PRKCA: variants seen among roughly 807,000 people sequenced by gnomAD.
PRKCA encodes protein kinase C alpha, also known as protein kinase C alpha type.
A neutral mutation model predicts 87.0 loss-of-function variants in PRKCA; 27 were observed. The observed-to-expected ratio is 0.31, with a 90% confidence interval of 0.23 to 0.43. PRKCA has a LOEUF of 0.43. Among genes scored for constraint, PRKCA ranks in the 20% least tolerant of loss-of-function variants. PRKCA has a pLI of 1.00. For synonymous variants in PRKCA, 329 were observed against 311.1 expected, an observed-to-expected ratio of 1.06 and a Z score of -0.61; for missense variants, 518 against 852.3, an observed-to-expected ratio of 0.61 and a Z score of 4.88.
chr17:66,713,200 C>T (rs576211196), intron 8 of PRKCA, among the ~76,000 whole-genome samples: 86 of 152,106 alleles, frequency 5.7e-4, no homozygotes, highest in Non-Finnish European at 1.0e-3. Context: ...TACAGGCACG[C>T]GCCACCATGC....
chr17:66,506,845 A>C (rs972868841), intron 3 of PRKCA, among the ~76,000 whole-genome samples: 1 of 152,134 alleles, frequency 6.6e-6, no homozygotes, highest in Non-Finnish European at 1.5e-5. Context: ...TTTCTGACCG[A>C]TCCAAGTGAC....
chr17:66,637,139 T>A (rs1244040283), intron 3 of PRKCA, among the ~76,000 whole-genome samples: 1 of 152,106 alleles, frequency 6.6e-6, no homozygotes, highest in Non-Finnish European at 1.5e-5. Flanking sequence ...GGCTGTTGCG[T>A]GAGTAAGCCT....
intron 3 of PRKCA, among the ~76,000 whole-genome samples, chr17:66,625,815 G>A (rs749642465): frequency 6.6e-6 from 1 of 152,168 alleles, no homozygotes; most frequent in Non-Finnish European, 1.5e-5. Flanking sequence ...TTGAGGTCCC[G>A]ATTTTACCAC....
intron 5 of PRKCA, among the ~76,000 whole-genome samples, chr17:66,668,976 A>G (rs1972107338): frequency 6.6e-6 from 1 of 151,980 alleles, no homozygotes; most frequent in African/African-American, 2.4e-5. Context: ...GGTGGCACAC[A>G]CCTGTAGTCC....
intron 2 of PRKCA, among the ~76,000 whole-genome samples, chr17:66,413,946 G>C (rs935057293): frequency 5.3e-5 from 8 of 150,784 alleles, no homozygotes; most frequent in Non-Finnish European, 1.0e-4. Context: ...CCAGGAGGCA[G>C]AGGTTGCAGT....
intron 5 of PRKCA, among the ~76,000 whole-genome samples, chr17:66,685,032 A>G (rs58436634): frequency 0.012 from 1,754 of 152,208 alleles, 30 homozygotes; most frequent in African/African-American, 0.04. Flanking sequence ...AAAACCTTTC[A>G]CATGAGCTTG....
chr17:66,722,407 A>G (rs35502498), intron 8 of PRKCA, among the ~76,000 whole-genome samples: 22,768 of 152,202 alleles, frequency 0.15, 2,189 homozygotes, highest in South Asian at 0.27. Context: ...AACCCCTAAT[A>G]GGGAGCTGAA....
intron 5 of PRKCA, among the ~76,000 whole-genome samples, chr17:66,678,943 CAG>C (rs889319259): frequency 2.0e-5 from 3 of 151,456 alleles, no homozygotes; most frequent in Non-Finnish European, 1.5e-5. Context: ...GTAACTGCAG[CAG>C]AGAGAGAGAG....
intron 3 of PRKCA, among the ~76,000 whole-genome samples, chr17:66,550,270 G>T (rs540786513): frequency 6.6e-6 from 1 of 152,274 alleles, no homozygotes; most frequent in East Asian, 1.9e-4. Flanking sequence ...AGGTCTTCCT[G>T]GGTGTAGGTC....
chr17:66,410,488 G>T (rs1301406956), intron 2 of PRKCA, among the ~76,000 whole-genome samples: 1 of 152,060 alleles, frequency 6.6e-6, no homozygotes, highest in Non-Finnish European at 1.5e-5. Context: ...TTACACCTTA[G>T]CTTAAAAAAT....
chr17:66,342,531 C>A (rs1290942910), intron 2 of PRKCA, among the ~76,000 whole-genome samples: 1 of 150,684 alleles, frequency 6.6e-6, no homozygotes, highest in Non-Finnish European at 1.5e-5. Context: ...AGCATCTGAA[C>A]CTATTTGAAT....
At chr17:66,655,361 C>A (rs1222522487) in intron 5 of PRKCA, among the ~76,000 whole-genome samples, 2 of 152,172 alleles carry the variant, frequency 1.3e-5, no homozygotes, top group African/African-American at 4.8e-5. Context: ...ACTCAGATTT[C>A]CAAGCCATGA....
chr17:66,524,922 A>G (rs1567875808), intron 3 of PRKCA, among the ~76,000 whole-genome samples: 1 of 152,244 alleles, frequency 6.6e-6, no homozygotes, highest in Non-Finnish European at 1.5e-5. Flanking sequence ...TATGTAGTAT[A>G]TTGCAAAGAA....
intron 16 of PRKCA, among the ~76,000 whole-genome samples, chr17:66,801,196 C>T (rs1287277912): frequency 1.3e-5 from 2 of 152,226 alleles, no homozygotes; most frequent in East Asian, 3.8e-4. Flanking sequence ...ATCTTAGGAC[C>T]TACTCAGCCT....
At chr17:66,405,578 T>C (rs745485102) in intron 2 of PRKCA, among the ~76,000 whole-genome samples, 9 of 152,224 alleles carry the variant, frequency 5.9e-5, no homozygotes, top group Non-Finnish European at 8.8e-5. Flanking sequence ...CCTTGTGTAA[T>C]TGCTATTTGA....
chr17:66,329,850 C>G (rs1906217569), intron 2 of PRKCA, among the ~76,000 whole-genome samples: 2 of 152,176 alleles, frequency 1.3e-5, no homozygotes, highest in African/African-American at 4.8e-5. Flanking sequence ...CTGGATAGTT[C>G]TATTTTTCCA....
chr17:66,739,836 G>C (rs1974119339), intron 11 of PRKCA, among the ~76,000 whole-genome samples: 1 of 152,102 alleles, frequency 6.6e-6, no homozygotes, highest in Admixed American at 6.5e-5. Context: ...TGTGGAGGAG[G>C]GAAGAGGGAA....
chr17:66,607,017 A>C (rs8078316), intron 3 of PRKCA, among the ~76,000 whole-genome samples: 52,319 of 151,964 alleles, frequency 0.34, 9,447 homozygotes, highest in African/African-American at 0.4. Context: ...GAGTTCTGGG[A>C]AATTTTTTCA....
At chr17:66,359,532 G>A (rs1418226772) in intron 2 of PRKCA, among the ~76,000 whole-genome samples, 1 of 152,132 alleles carries the variant, frequency 6.6e-6, no homozygotes, top group Non-Finnish European at 1.5e-5. Context: ...TGGCCATGTG[G>A]GCCTGAAACT....
Sources: gnomAD v4.1 joint callset for allele counts (sites outside exome capture counted in the v4.1 genomes callset) on GRCh38, gnomAD v4.1.1 for gene constraint, MANE v1.5 for transcripts, NCBI Gene and HGNC (gene_info 2026-07-23, HGNC 2026-07-21) for gene names.